Variants in LCK observed in about 807,000 individuals in gnomAD.
The protein encoded by LCK is LCK proto-oncogene, Src family tyrosine kinase, also known as tyrosine-protein kinase Lck.
Under a neutral mutation model 64.6 loss-of-function variants are expected in LCK, and 14 were observed. That is an observed-to-expected ratio of 0.22 (90% CI 0.14 to 0.34). LCK has a LOEUF of 0.34. LCK is among the 10% of genes least tolerant of loss of function. LCK has a pLI of 1.00. For missense variants in LCK, 434 were observed against 668.1 expected (o/e 0.65, Z 3.86); for synonymous variants, 277 against 263.6 (o/e 1.05, Z -0.49).
At position 32,279,862 on chromosome 1, in the gene LCK, A is replaced by G. The variant is rs1241995764; in HGVS notation, c.1063A>G (p.Ile355Val). ...AAQIAEGMAF[I>V]EERNYIHRDL... ...GCAGATTGCAGAAGGCATGGCATTC[A>G]TTGAAGAGCGGAATTATATTCATCG... Residue 355 changes from isoleucine to valine, a missense_variant, in exon 11 of 13, where the codon ATT becomes GTT. Ile to Val is a conservative substitution (Grantham distance 29, BLOSUM62 3). Transcript: ENST00000336890. 6.2e-7 allele frequency: 1 copy of G among 1,614,118 alleles called. No homozygotes were observed. The highest frequency in any genetic ancestry group is 1.3e-5 in the African/African-American group (1 of 74,932).
At position 32,276,107 on chromosome 1, in the gene LCK, T is replaced by C; in HGVS notation, c.631+44T>C. Reference sequence around the variant, plus strand: ...CTCCCCCGTGCCCTATCAGCCTATCTCCCCTCAGTCCCCCTCAGGTGTCCC... The same window carrying C: ...CTCCCCCGTGCCCTATCAGCCTATCCCCCCTCAGTCCCCCTCAGGTGTCCC... On this transcript the variant is annotated intron_variant, in intron 7 of 12. Transcript: ENST00000336890. The surrounding 1 kb of genome is among the most constrained non-coding windows in gnomAD (Gnocchi z 4.6). 6.2e-7 allele frequency: 1 copy of C among 1,601,570 alleles called. No individual in the cohort carries two copies.
chr1:32,259,251 A>C (rs896798973), intron 1 of LCK, among the ~76,000 whole-genome samples: 1 of 150,658 alleles, frequency 6.6e-6, no homozygotes, highest in African/African-American at 2.4e-5. Context: ...AAAAAAATAC[A>C]AAAATTACCC....
intron 1 of LCK, among the ~76,000 whole-genome samples, chr1:32,254,360 A>G (rs1384892031): frequency 6.6e-6 from 1 of 152,112 alleles, no homozygotes; most frequent in Non-Finnish European, 1.5e-5. Context: ...CTCCACTAAA[A>G]ATACAAAAAA....
In LCK at chr1:32,274,983, G is replaced by T. The variant is rs1640212043; in HGVS notation, c.188-10G>T. The T allele has an allele frequency of 3.7e-6, 6 of 1,614,166 alleles. No individual in the cohort carries two copies. The highest frequency in any genetic ancestry group is 5.1e-6 in the Non-Finnish European group (6 of 1,180,020). Reference sequence around the variant, plus strand: ...AGCTCGGTTCTCCCTGATGCCCCTTGTCTTTACAGACAACCTGGTTATCGC... The same window carrying T: ...AGCTCGGTTCTCCCTGATGCCCCTTTTCTTTACAGACAACCTGGTTATCGC... On this transcript the variant is annotated splice_polypyrimidine_tract_variant and intron_variant, in intron 3 of 12. Transcript: ENST00000336890.
intron 1 of LCK, among the ~76,000 whole-genome samples, chr1:32,253,537 C>T (rs980943882): frequency 3.9e-5 from 6 of 152,138 alleles, no homozygotes; most frequent in Non-Finnish European, 7.4e-5. Flanking sequence ...CCACCTCGGC[C>T]CCCCAAAGTG....
rs556498364 is a variant in LCK, at chr1:32,275,221, C to T, written c.279-100C>T. ...AATTCGAGGCTCAGTATTGCTGAGC[C>T]AGGGTTGGGGGAGGCTGGCTTAAGG... On this transcript the variant is annotated intron_variant, in intron 4 of 12. Transcript: ENST00000336890. This position sits in a 1 kb window ranked among gnomAD's most constrained non-coding sequence, Gnocchi z 6.9. The T allele has an allele frequency of 6.7e-7, 1 of 1,483,188 alleles. No homozygotes were observed. Among genetic ancestry groups the T allele is most frequent in the Admixed American group, 1.7e-5 (1 of 58,100 alleles). 91.9% of individuals were successfully genotyped at this position (1,483,188 alleles called of 1,614,324 possible).
At chr1:32,279,607 G>A (rs984710906) in intron 9 of LCK, 64 bp from the exon 10 acceptor site, 5 of 1,612,824 alleles carry the variant, frequency 3.1e-6, no homozygotes, top group Non-Finnish European at 4.2e-6. Context: ...CCAGTTGGAG[G>A]AGAAAGGTCT....
At chr1:32,272,184 C>T (rs557664370) in intron 1 of LCK, among the ~76,000 whole-genome samples, 13 of 150,582 alleles carry the variant, frequency 8.6e-5, no homozygotes, top group East Asian at 2.0e-4. Context: ...CTCAGGAGGC[C>T]GAGGCAGGAG....
chr1:32,275,692 G>A lies in LCK; in HGVS notation c.481+20G>A. ...CCGCGGGTGAGCGGGCGGCGGTCTC[G>A]ACCGGGCGCGGGGGTGCCCCGGGGT... On this transcript the variant is annotated intron_variant, in intron 6 of 12. Coordinates refer to ENST00000336890, the MANE Select transcript of LCK (RefSeq NM_005356.5). The surrounding 1 kb of genome is among the most constrained non-coding windows in gnomAD (Gnocchi z 6.9). 6.5e-7 allele frequency: 1 copy of A among 1,547,022 alleles called. No homozygotes were observed. Among genetic ancestry groups the A allele is most frequent in the Non-Finnish European group, 8.7e-7 (1 of 1,146,756 alleles).
intron 12 of LCK, 84 bp downstream of exon 12, chr1:32,280,294 C>A: frequency 6.4e-7 from 1 of 1,563,580 alleles, no homozygotes. Flanking sequence ...GTCTCAGAAT[C>A]TGAAACTTTG....
chr1:32,281,270 CA>C (rs780514570), intron 12 of LCK, among the ~76,000 whole-genome samples: 40 of 92,268 alleles, frequency 4.3e-4, no homozygotes, highest in East Asian at 1.1e-3. Flanking sequence ...TCCATCTCTA[CA>C]AAAAAAAAAA....
At chr1:32,280,478 C>T (rs1479914107) in intron 12 of LCK, among the ~76,000 whole-genome samples, 2 of 73,888 alleles carry the variant, frequency 2.7e-5, no homozygotes, top group South Asian at 4.9e-4. Context: ...TTTTTTGAGA[C>T]GGAGTCTTGC....
chr1:32,263,068 G>A (rs1374268763), intron 1 of LCK, among the ~76,000 whole-genome samples: 1 of 152,060 alleles, frequency 6.6e-6, no homozygotes, highest in African/African-American at 2.4e-5. Flanking sequence ...AAGGCTGCCC[G>A]TGGTCCACAG....
intron 1 of LCK, chr1:32,269,525 C>T (rs1346019691): frequency 6.6e-6 from 1 of 151,496 alleles, no homozygotes; most frequent in African/African-American, 2.4e-5. Flanking sequence ...CCTCCACCTC[C>T]ATGGTTCAAG....
At chr1:32,257,753 C>T (rs189751485) in intron 1 of LCK, among the ~76,000 whole-genome samples, 44 of 152,240 alleles carry the variant, frequency 2.9e-4, no homozygotes, top group Admixed American at 2.1e-3. Context: ...CCCAAGGGAG[C>T]GGACTCAGTA....
intron 1 of LCK, among the ~76,000 whole-genome samples, chr1:32,256,863 A>G (rs1639644821): frequency 1.3e-5 from 2 of 152,134 alleles, no homozygotes; most frequent in South Asian, 4.1e-4. Context: ...TTATGTGTTT[A>G]TTTTAGTGTG....
Position 32,262,030 on chromosome 1 carries a change from C to T in LCK, c.-6+10659C>T, listed in dbSNP as rs192738402. On this transcript the variant is annotated intron_variant, in intron 1 of 12. Transcript: ENST00000336890. The stretch of plus-strand genomic sequence containing the variant: ...GCTCAAGTAGCTGGGACTACAGTCA[C>T]GTGCCACCACACCCAGATAATCTTT... Among the ~76,000 whole-genome samples the T allele has an allele frequency of 6.8e-5, 10 of 148,074 alleles. No homozygotes were observed. The South Asian group carries it at 8.6e-4, about 13-fold the overall frequency.
intron 1 of LCK, among the ~76,000 whole-genome samples, chr1:32,254,393 G>A (rs1363995501): frequency 1.3e-5 from 2 of 152,166 alleles, no homozygotes; most frequent in Non-Finnish European, 2.9e-5. Flanking sequence ...GGTGGTGCAT[G>A]TCTGTAAACC....
At chr1:32,272,286 T>C (rs1335155215) in intron 1 of LCK, among the ~76,000 whole-genome samples, 1 of 151,344 alleles carries the variant, frequency 6.6e-6, no homozygotes, top group Non-Finnish European at 1.5e-5. Context: ...AATTCAGCAG[T>C]TGGACAAAAG....
Sources: allele counts gnomAD v4.1 joint callset (sites outside exome capture counted in the v4.1 genomes callset), GRCh38; gene constraint gnomAD v4.1.1; non-coding constraint Gnocchi (gnomAD v3.1); transcripts MANE v1.5; gene names NCBI Gene and HGNC (gene_info 2026-07-23, HGNC 2026-07-21).